NR6A1: variants seen among roughly 807,000 people sequenced by gnomAD.
The protein encoded by NR6A1 is nuclear receptor subfamily 6 group A member 1.
Under a neutral mutation model 59.1 loss-of-function variants are expected in NR6A1, and 7 were observed. The ratio of observed to expected loss-of-function variants is 0.12; its 90% CI spans 0.07 to 0.22. The LOEUF is 0.22. Ranked by LOEUF, NR6A1 falls within the 10% of genes least tolerant of loss-of-function variation. NR6A1 has a pLI of 1.00. For synonymous variants in NR6A1, 243 were observed against 236.1 expected (o/e 1.03, Z -0.27); for missense variants, 468 against 611.6 (o/e 0.77, Z 2.48).
intron 2 of NR6A1, among the ~76,000 whole-genome samples, chr9:124,635,945 A>G (rs1836599177): frequency 6.6e-6 from 1 of 152,246 alleles, no homozygotes; most frequent in African/African-American, 2.4e-5. Context: ...CTGTCTTTCA[A>G]AGTAGCTGTA....
intron 2 of NR6A1, among the ~76,000 whole-genome samples, chr9:124,579,767 T>C (rs1473156553): frequency 1.3e-5 from 2 of 152,096 alleles, no homozygotes; most frequent in Non-Finnish European, 2.9e-5. Context: ...TCCTACCACT[T>C]TGGGAGGCTG....
intron 2 of NR6A1, among the ~76,000 whole-genome samples, chr9:124,611,548 C>A (rs956505533): frequency 3.3e-5 from 5 of 151,744 alleles, no homozygotes; most frequent in African/African-American, 1.2e-4. Flanking sequence ...CCAGCCTGGG[C>A]AATATAGTGA....
chr9:124,757,856 T>C (rs1440481975), intron 1 of NR6A1, among the ~76,000 whole-genome samples: 2 of 152,250 alleles, frequency 1.3e-5, no homozygotes, highest in African/African-American at 2.4e-5. Context: ...TCCTTATCTA[T>C]GCTCTGAAAC....
At chr9:124,633,208 T>C (rs1280133426) in intron 2 of NR6A1, among the ~76,000 whole-genome samples, 1 of 151,658 alleles carries the variant, frequency 6.6e-6, no homozygotes, top group African/African-American at 2.4e-5. Flanking sequence ...ATCGAGACCA[T>C]CCTGGCTAAC....
At chr9:124,730,475 T>C (rs1457948918) in intron 2 of NR6A1, among the ~76,000 whole-genome samples, 2 of 151,540 alleles carry the variant, frequency 1.3e-5, no homozygotes, top group Non-Finnish European at 2.9e-5. Context: ...GCTCAAATGA[T>C]CCTCCCGCTT....
In NR6A1 at chr9:124,522,438, G is replaced by T; in HGVS notation, c.*267C>A. Reference sequence around the variant, plus strand: ...GTAACATTAAACATCTTCACATTCTGTAAACTGTAAGAAAATGCATTGGCT... The same window carrying T: ...GTAACATTAAACATCTTCACATTCTTTAAACTGTAAGAAAATGCATTGGCT... On this transcript the variant is annotated 3_prime_UTR_variant, in exon 10 of 10. Coordinates refer to ENST00000487099, the MANE Select transcript of NR6A1 (RefSeq NM_033334.4). The T allele has an allele frequency of 3.5e-6, 1 of 284,572 alleles. No homozygotes were observed. The highest frequency in any genetic ancestry group is 6.9e-6 in the Non-Finnish European group (1 of 144,614). 17.6% of individuals were successfully genotyped at this position (284,572 alleles called of 1,614,324 possible). A position where few individuals can be genotyped will look rare whatever the true frequency, so the allele number is the denominator to read the frequency against.
chr9:124,745,252 T>C (rs1427100344), intron 1 of NR6A1, among the ~76,000 whole-genome samples: 1 of 123,808 alleles, frequency 8.1e-6, no homozygotes, highest in Non-Finnish European at 1.8e-5. Flanking sequence ...AATACATATA[T>C]ACATGAAAAA....
chr9:124,617,064 G>C (rs1399346938), intron 2 of NR6A1, among the ~76,000 whole-genome samples: 2 of 152,158 alleles, frequency 1.3e-5, no homozygotes, highest in African/African-American at 4.8e-5. Context: ...CCTAAATACT[G>C]ATCAGTAGAG....
intron 8 of NR6A1, among the ~76,000 whole-genome samples, chr9:124,525,506 C>T (rs1005087413): frequency 6.6e-6 from 1 of 152,030 alleles, no homozygotes; most frequent in East Asian, 1.9e-4. Flanking sequence ...AGGGTGTGTG[C>T]CACCATGCTC....
chr9:124,707,358 T>C (rs561427958), intron 2 of NR6A1, among the ~76,000 whole-genome samples: 26 of 152,286 alleles, frequency 1.7e-4, no homozygotes, highest in African/African-American at 5.3e-4. Context: ...AATTTCTCTA[T>C]TGAAATTCTC....
intron 2 of NR6A1, among the ~76,000 whole-genome samples, chr9:124,713,335 G>A (rs1839331793): frequency 6.6e-6 from 1 of 151,722 alleles, no homozygotes; most frequent in Non-Finnish European, 1.5e-5. Context: ...TCATGACAAT[G>A]GGTTTGGCAA....
chr9:124,599,782 G>A (rs1006539926), intron 2 of NR6A1, among the ~76,000 whole-genome samples: 2 of 152,290 alleles, frequency 1.3e-5, no homozygotes, highest in Non-Finnish European at 2.9e-5. Context: ...AAGAAAGGAA[G>A]AGGCAGGAGT....
chr9:124,589,619 C>A (rs1048550057), intron 2 of NR6A1, among the ~76,000 whole-genome samples: 2 of 152,206 alleles, frequency 1.3e-5, no homozygotes, highest in Non-Finnish European at 2.9e-5. Flanking sequence ...GACTTGTGCA[C>A]ATTTTGAGAT....
intron 2 of NR6A1, among the ~76,000 whole-genome samples, chr9:124,560,139 C>G (rs914155845): frequency 6.6e-6 from 1 of 152,198 alleles, no homozygotes; most frequent in South Asian, 2.1e-4. Flanking sequence ...TTTCAATCCT[C>G]CCTGCCACCT....
chr9:124,598,576 CT>C (rs1835345870), intron 2 of NR6A1: 3 of 257,014 alleles, frequency 1.2e-5, no homozygotes, highest in African/African-American at 7.6e-5. Context: ...AAATTTTGTT[CT>C]TTATATAACG....
chr9:124,600,727 G>A (rs1440152017), intron 2 of NR6A1, among the ~76,000 whole-genome samples: 2 of 152,050 alleles, frequency 1.3e-5, no homozygotes, highest in East Asian at 1.9e-4. Flanking sequence ...AACTAAAGTG[G>A]GTAAGAAAAG....
In NR6A1 at chr9:124,533,517, T is replaced by G. The variant is rs138802002; in HGVS notation, c.1079+2361A>C. Among the ~76,000 whole-genome samples the G allele has an allele frequency of 6.2e-4, 95 of 152,266 alleles. 1 individual carries two copies. The highest frequency in any genetic ancestry group is 3.4e-3 in the Middle Eastern group (1 of 294). On this transcript the variant is annotated intron_variant, in intron 7 of 9. Transcript: ENST00000487099. ...GCTGTGCAAAGGGCCCTTGCAGGTC[T>G]TGGAGCACTGTGCTCTTCCTGAGTC... is the stretch of plus-strand genomic sequence containing the variant.
At chr9:124,675,437 G>C (rs1020854186) in intron 2 of NR6A1, among the ~76,000 whole-genome samples, 3 of 152,224 alleles carry the variant, frequency 2.0e-5, no homozygotes, top group Non-Finnish European at 4.4e-5. Flanking sequence ...TACAGTCAGA[G>C]AGCACCTCCT....
At chr9:124,697,368 G>C (rs964858033) in intron 2 of NR6A1, among the ~76,000 whole-genome samples, 4 of 152,106 alleles carry the variant, frequency 2.6e-5, no homozygotes, top group Non-Finnish European at 5.9e-5. Context: ...ATAGCTAATT[G>C]CAAGTGTGAA....
Sources: allele counts gnomAD v4.1 joint callset (sites outside exome capture counted in the v4.1 genomes callset), GRCh38; gene constraint gnomAD v4.1.1; transcripts MANE v1.5; gene names NCBI Gene and HGNC (gene_info 2026-07-23, HGNC 2026-07-21).